STX18: variants seen among roughly 807,000 people sequenced by gnomAD.
The protein encoded by STX18 is syntaxin 18.
A neutral mutation model predicts 50.1 loss-of-function variants in STX18; 40 were observed. The observed-to-expected ratio is 0.80, with a 90% CI of 0.62 to 1.04. The LOEUF (loss-of-function observed/expected upper bound fraction) is 1.04, where lower values mean the gene tolerates loss of function less well. Among genes scored for constraint, STX18 ranks in the 50% least tolerant of loss-of-function variants. The pLI, the probability that STX18 is intolerant of heterozygous loss-of-function variation, is 0.00. For synonymous variants in STX18, 158 were observed against 151.8 expected, an observed-to-expected ratio of 1.04 and a Z score of -0.30; for missense variants, 410 against 415.8, an observed-to-expected ratio of 0.99 and a Z score of 0.12.
At chr4:4,541,282 T>G (rs967955512) in intron 1 of STX18, among the ~76,000 whole-genome samples, 3 of 152,254 alleles carry the variant, frequency 2.0e-5, no homozygotes, top group Admixed American at 2.0e-4. Flanking sequence ...TGCGAAAGAT[T>G]ACCCTAAACC....
intron 1 of STX18, among the ~76,000 whole-genome samples, chr4:4,532,535 T>G (rs959744487): frequency 1.3e-5 from 2 of 152,116 alleles, no homozygotes; most frequent in African/African-American, 4.8e-5. Context: ...TGGGCAGTTA[T>G]CACTGCAAAA....
intron 1 of STX18, among the ~76,000 whole-genome samples, chr4:4,484,490 A>G (rs1016941875): frequency 8.5e-5 from 13 of 152,268 alleles, no homozygotes; most frequent in African/African-American, 3.1e-4. Flanking sequence ...GCCTCCTGTC[A>G]TTTGCAATTC....
At chr4:4,427,291 C>T (rs1725298036) in intron 7 of STX18, among the ~76,000 whole-genome samples, 1 of 152,204 alleles carries the variant, frequency 6.6e-6, no homozygotes, top group Non-Finnish European at 1.5e-5. Context: ...CCCTGCAGGA[C>T]CAACTCATCC....
intron 1 of STX18, among the ~76,000 whole-genome samples, chr4:4,510,300 A>T (rs1290306682): frequency 6.6e-6 from 1 of 152,234 alleles, no homozygotes; most frequent in Non-Finnish European, 1.5e-5. Context: ...AGTTTTTTAA[A>T]AAAATTAGTC....
intron 1 of STX18, among the ~76,000 whole-genome samples, chr4:4,482,537 T>A (rs1012463820): frequency 2.0e-5 from 3 of 152,220 alleles, no homozygotes; most frequent in African/African-American, 7.2e-5. Context: ...ATGAAATTGG[T>A]CAGTCAGTCC....
chr4:4,455,315 C>T (rs145060331), intron 5 of STX18, among the ~76,000 whole-genome samples: 4 of 152,320 alleles, frequency 2.6e-5, no homozygotes, highest in African/African-American at 7.2e-5. Context: ...CTCAAGCTAC[C>T]CTCTCAGTGC....
intron 1 of STX18, among the ~76,000 whole-genome samples, chr4:4,476,859 T>C (rs1387566008): frequency 6.6e-6 from 1 of 152,092 alleles, no homozygotes; most frequent in East Asian, 1.9e-4. Flanking sequence ...CCTTGTGCTA[T>C]TCCACTTTAG....
chr4:4,498,928 A>C (rs934953398), intron 1 of STX18, among the ~76,000 whole-genome samples: 1 of 152,206 alleles, frequency 6.6e-6, no homozygotes, highest in Non-Finnish European at 1.5e-5. Context: ...TTTTGCAAGA[A>C]GACAAAGTTC....
At chr4:4,508,692 C>T (rs1729853356) in intron 1 of STX18, among the ~76,000 whole-genome samples, 1 of 152,202 alleles carries the variant, frequency 6.6e-6, no homozygotes, top group Non-Finnish European at 1.5e-5. Flanking sequence ...ACTACTCTTC[C>T]TGATGCTCTC....
intron 2 of STX18, among the ~76,000 whole-genome samples, chr4:4,464,773 C>A (rs1727538010): frequency 6.6e-6 from 1 of 151,990 alleles, no homozygotes; most frequent in African/African-American, 2.4e-5. Flanking sequence ...ACATTTCTAA[C>A]TGTGTTTATT....
At chr4:4,444,115 A>G (rs1726262634) in intron 5 of STX18, among the ~76,000 whole-genome samples, 1 of 152,176 alleles carries the variant, frequency 6.6e-6, no homozygotes, top group African/African-American at 2.4e-5. Context: ...CTTGATGGCA[A>G]TTTAAGTAAT....
intron 5 of STX18, among the ~76,000 whole-genome samples, chr4:4,456,277 A>C (rs980833922): frequency 6.6e-6 from 1 of 152,086 alleles, no homozygotes; most frequent in African/African-American, 2.4e-5. Context: ...AAAAACAAAA[A>C]AAAACAAAAA....
intron 1 of STX18, among the ~76,000 whole-genome samples, chr4:4,498,770 A>G (rs1577377051): frequency 6.6e-6 from 1 of 152,230 alleles, no homozygotes; most frequent in East Asian, 1.9e-4. Context: ...GTTTTAAGAA[A>G]AAGATCTAGG....
At position 4,423,744 on chromosome 4, in the gene STX18, C is replaced by T. The variant is rs1386135790; in HGVS notation, c.762-157G>A. On this transcript the variant is annotated intron_variant, in intron 8 of 10. Transcript: ENST00000306200. ...GGGAAGAGGAGATGGGAGAGGAAGG[C>T]GAACTCTCCTTACTGGGTCACCTTC... 1.0e-5 allele frequency: 7 copies of T among 698,150 alleles called. No homozygotes were observed. In the East Asian group the frequency reaches 1.1e-4, roughly 11 times the overall value. 43.2% of individuals were successfully genotyped at this position (698,150 alleles called of 1,614,324 possible).
At chr4:4,503,535 C>T (rs930861871) in intron 1 of STX18, among the ~76,000 whole-genome samples, 4 of 151,976 alleles carry the variant, frequency 2.6e-5, no homozygotes, top group African/African-American at 7.3e-5. Context: ...CTATTTCTGT[C>T]GCACAGAACT....
intron 1 of STX18, among the ~76,000 whole-genome samples, chr4:4,473,950 C>A (rs553206416): frequency 6.6e-6 from 1 of 152,264 alleles, no homozygotes; most frequent in East Asian, 1.9e-4. Flanking sequence ...AAAGTCCAAA[C>A]TCCCAAATGC....
chr4:4,460,796 C>T (rs141197321), intron 2 of STX18, among the ~76,000 whole-genome samples: 6 of 152,060 alleles, frequency 3.9e-5, no homozygotes, highest in Non-Finnish European at 7.4e-5. Flanking sequence ...GGACTCTGTC[C>T]GAGGGAAGAC....
At chr4:4,520,917 A>G (rs529178007) in intron 1 of STX18, among the ~76,000 whole-genome samples, 32 of 152,348 alleles carry the variant, frequency 2.1e-4, no homozygotes, top group Middle Eastern at 6.8e-3. Context: ...GATCTTTAGT[A>G]TCTAAAAAAA....
chr4:4,492,226 G>T (rs1483442540), intron 1 of STX18, among the ~76,000 whole-genome samples: 1 of 151,976 alleles, frequency 6.6e-6, no homozygotes, highest in African/African-American at 2.4e-5. Context: ...TGCATAAAAT[G>T]CTCTTTATTT....
Sources: gnomAD v4.1 joint callset for allele counts (sites outside exome capture counted in the v4.1 genomes callset) on GRCh38, gnomAD v4.1.1 for gene constraint, MANE v1.5 for transcripts, NCBI Gene and HGNC (gene_info 2026-07-23, HGNC 2026-07-21) for gene names.